Variants in NCKAP5 observed in about 807,000 individuals in gnomAD.
NCKAP5 encodes the protein NCK associated protein 5.
In NCKAP5, 92 loss-of-function variants were observed where a neutral mutation model predicts 167.0. The observed-to-expected ratio is 0.55, with a 90% confidence interval of 0.47 to 0.66. The LOEUF (loss-of-function observed/expected upper bound fraction) is 0.66, where lower values mean the gene tolerates loss of function less well. Among genes scored for constraint, NCKAP5 ranks in the 30% least tolerant of loss-of-function variants. The probability of loss-of-function intolerance (pLI) is 0.00; values close to 1 mark genes in which losing one functional copy is unlikely to be tolerated. For synonymous variants in NCKAP5, 891 were observed against 877.4 expected (o/e 1.02, Z -0.27); for missense variants, 2,378 against 2,315.0 (o/e 1.03, Z -0.56).
chr2:133,208,451 C>A (rs111711198), intron 5 of NCKAP5, among the ~76,000 whole-genome samples: 6 of 152,146 alleles, frequency 3.9e-5, no homozygotes, highest in African/African-American at 1.4e-4. Flanking sequence ...CAAATCTAAT[C>A]GTCAGAAAAA....
chr2:132,832,006 C>A (rs1009834588), intron 11 of NCKAP5, among the ~76,000 whole-genome samples: 10 of 151,926 alleles, frequency 6.6e-5, no homozygotes, highest in African/African-American at 2.2e-4. Context: ...AAGATATTTT[C>A]CTTCTTTCAT....
intron 4 of NCKAP5, among the ~76,000 whole-genome samples, chr2:133,214,226 C>T (rs2086333711): frequency 6.6e-6 from 1 of 152,106 alleles, no homozygotes; most frequent in South Asian, 2.1e-4. Context: ...AAATCATTTG[C>T]ATGCTTGCTA....
intron 5 of NCKAP5, among the ~76,000 whole-genome samples, chr2:133,180,175 G>GA (rs957396222): frequency 4.7e-5 from 7 of 150,040 alleles, no homozygotes; most frequent in South Asian, 2.1e-4. Context: ...TTCAAATGCT[G>GA]AAAAAAAAAG....
intron 8 of NCKAP5, among the ~76,000 whole-genome samples, chr2:132,909,331 G>A (rs566897052): frequency 6.6e-6 from 1 of 152,166 alleles, no homozygotes; most frequent in South Asian, 2.1e-4. Flanking sequence ...GGGTGACAGA[G>A]CAATACTCCA....
intron 19 of NCKAP5, among the ~76,000 whole-genome samples, chr2:132,721,945 G>A (rs962673438): frequency 3.3e-5 from 5 of 152,218 alleles, no homozygotes; most frequent in African/African-American, 1.2e-4. Flanking sequence ...ATAAAATAGA[G>A]ATGTTCCTTT....
intron 3 of NCKAP5, among the ~76,000 whole-genome samples, chr2:133,342,314 C>T (rs1683651105): frequency 6.6e-6 from 1 of 152,128 alleles, no homozygotes; most frequent in African/African-American, 2.4e-5. Flanking sequence ...CAGGAAGCAG[C>T]ATTTTAACTA....
At chr2:132,920,113 C>T (rs1360428324) in intron 8 of NCKAP5, among the ~76,000 whole-genome samples, 2 of 150,804 alleles carry the variant, frequency 1.3e-5, no homozygotes, top group Admixed American at 1.3e-4. Context: ...TTCCCCTCTC[C>T]CCCTTGCCAT....
chr2:133,257,100 G>A (rs1298607695), intron 4 of NCKAP5, among the ~76,000 whole-genome samples: 2 of 152,186 alleles, frequency 1.3e-5, no homozygotes, highest in South Asian at 2.1e-4. Flanking sequence ...TCAGCTTGAA[G>A]TAGTCAACAT....
intron 3 of NCKAP5, among the ~76,000 whole-genome samples, chr2:133,396,029 A>G (rs1032513526): frequency 3.6e-4 from 54 of 151,976 alleles, no homozygotes; most frequent in African/African-American, 1.3e-3. Flanking sequence ...CAACTTTACC[A>G]TCCATTGCCT....
At chr2:133,335,437 C>T (rs536786858) in intron 3 of NCKAP5, among the ~76,000 whole-genome samples, 3 of 152,134 alleles carry the variant, frequency 2.0e-5, no homozygotes, top group African/African-American at 4.8e-5. Flanking sequence ...TAATTGCAAG[C>T]GAAAATTTTG....
intron 4 of NCKAP5, among the ~76,000 whole-genome samples, chr2:133,224,211 A>G (rs572001714): frequency 6.6e-6 from 1 of 152,310 alleles, no homozygotes; most frequent in African/African-American, 2.4e-5. Context: ...CATGCAGTCC[A>G]TGAAGTAACA....
At chr2:133,000,698 A>C (rs761958679) in intron 6 of NCKAP5, among the ~76,000 whole-genome samples, 7 of 152,160 alleles carry the variant, frequency 4.6e-5, no homozygotes, top group Middle Eastern at 3.2e-3. Flanking sequence ...CTTATGATGG[A>C]TTTCTAAAAT....
chr2:132,781,052 C>G lies in NCKAP5; in HGVS notation c.5049G>C (p.Leu1683=). 1 of 1,612,674 alleles carries G rather than the reference C, an allele frequency of 6.2e-7. No individual in the cohort carries two copies. The highest frequency in any genetic ancestry group is 8.5e-7 in the Non-Finnish European group (1 of 1,179,244). The change falls in exon 15 of 20, where the codon CTG becomes CTC. Residue 1683 remains leucine, a splice_region_variant and synonymous_variant. Coordinates refer to ENST00000409261, the MANE Select transcript of NCKAP5 (RefSeq NM_207363.3). ...KADMEVPKDS[L]VKEANENLQE... ...GATACCAGGATGGTGGAGCACTTAC[C>G]AGGGAGTCTTTTGGTACTTCCATAT...
chr2:133,340,941 C>A (rs1027358577), intron 3 of NCKAP5, among the ~76,000 whole-genome samples: 1 of 152,122 alleles, frequency 6.6e-6, no homozygotes, highest in African/African-American at 2.4e-5. Flanking sequence ...TGCAACACTG[C>A]AAAAATGGTT....
intron 7 of NCKAP5, among the ~76,000 whole-genome samples, chr2:132,977,855 T>C (rs577900575): frequency 1.3e-5 from 2 of 152,346 alleles, no homozygotes; most frequent in East Asian, 1.9e-4. Context: ...CTAGTAATAC[T>C]GTCCTGGTAT....
chr2:133,562,528 G>A (rs1009767945), intron 1 of NCKAP5, among the ~76,000 whole-genome samples: 5 of 152,144 alleles, frequency 3.3e-5, no homozygotes, highest in African/African-American at 4.8e-5. Flanking sequence ...TCAGACATGC[G>A]TCTCGACAGT....
rs1418837385 is a variant in NCKAP5 at position 132,781,158 on chromosome 2, C to T, written c.4943G>A (p.Gly1648Asp). ...SNASCRNVLK[G>D]SSQGSCLIGS... The stretch of plus-strand genomic sequence containing the variant: ...GATGAGACAGGAGCCCTGAGAACTG[C>T]CCTTTAACACATTCCTGCAGGAAGC... The change falls in exon 15 of 20, where the codon GGC (glycine) becomes GAC (aspartate). Residue 1648 changes from glycine to aspartate, a missense_variant. This residue lies in a region of NCKAP5 where 1,325 missense variants were observed against 1,274.5 expected (regional missense o/e 1.04). Transcript: ENST00000409261. The T allele has an allele frequency of 1.2e-6, 2 of 1,613,732 alleles. No individual in the cohort carries two copies. Among genetic ancestry groups the T allele is most frequent in the East Asian group, 2.2e-5 (1 of 44,886 alleles).
chr2:132,880,257 G>C (rs777873964), intron 8 of NCKAP5, among the ~76,000 whole-genome samples: 2 of 152,184 alleles, frequency 1.3e-5, no homozygotes, highest in Non-Finnish European at 2.9e-5. Context: ...TGACAGCAGA[G>C]TAGGGTGACT....
chr2:133,440,627 G>A (rs1051515005), intron 3 of NCKAP5, among the ~76,000 whole-genome samples: 2 of 145,012 alleles, frequency 1.4e-5, no homozygotes, highest in Admixed American at 1.4e-4. Context: ...GGGGAATGGT[G>A]TGAACCCAGG....
Sources: gnomAD v4.1 joint callset for allele counts (sites outside exome capture counted in the v4.1 genomes callset) on GRCh38, gnomAD v4.1.1 for gene constraint, gnomAD v4.1.1 regional missense constraint, MANE v1.5 for transcripts, NCBI Gene and HGNC (gene_info 2026-07-23, HGNC 2026-07-21) for gene names.